The following PIP4P2 variants were observed in gnomAD, a reference collection of about 807,000 sequenced individuals.
PIP4P2 encodes type 2 phosphatidylinositol 4,5-bisphosphate 4-phosphatase.
In PIP4P2, 19 loss-of-function variants were observed where a neutral mutation model predicts 33.3. The ratio of observed to expected loss-of-function variants is 0.57; its 90% CI spans 0.40 to 0.84. PIP4P2 has a LOEUF of 0.84. PIP4P2 is among the 40% of genes least tolerant of loss of function. The probability of loss-of-function intolerance (pLI) is 0.00; values close to 1 mark genes in which losing one functional copy is unlikely to be tolerated. For missense variants in PIP4P2, 270 were observed against 324.7 expected, an observed-to-expected ratio of 0.83 and a Z score of 1.29; for synonymous variants, 110 against 111.9, an observed-to-expected ratio of 0.98 and a Z score of 0.11.
intron 1 of PIP4P2, among the ~76,000 whole-genome samples, chr8:91,039,951 C>T (rs1812281845): frequency 6.6e-6 from 1 of 152,054 alleles, no homozygotes; most frequent in Non-Finnish European, 1.5e-5. Context: ...TAATTTCAAT[C>T]TCACCCAGAT....
chr8:90,995,415 G>T lies in PIP4P2; in HGVS notation c.*262C>A, dbSNP rs1350884528. 2 of 251,336 alleles carry T rather than the reference G, an allele frequency of 8.0e-6. No homozygotes were observed. The highest frequency in any genetic ancestry group is 4.5e-5 in the African/African-American group (2 of 44,890). 15.6% of individuals were successfully genotyped at this position (251,336 alleles called of 1,614,324 possible). On this transcript the variant is annotated 3_prime_UTR_variant, in exon 7 of 7. Coordinates refer to ENST00000285419, the MANE Select transcript of PIP4P2 (RefSeq NM_018710.3). ...AGGGTGAGAGTAAATGTAATGTTTG[G>T]TAACAAATCCAAAAATATCTATAAG...
Position 91,018,453 on chromosome 8 carries a change from A to G in PIP4P2, c.423T>C (p.Pro141=). 1 of 1,614,048 alleles carries G rather than the reference A, an allele frequency of 6.2e-7. No individual in the cohort carries two copies. The highest frequency in any genetic ancestry group is 8.5e-7 in the Non-Finnish European group (1 of 1,179,940). ...TACCTTCTGGTTGGATTGGCAATGCAGGCTGAGCTGGTTGTTCTTCAGAAA... is the reference window on the plus strand; with the variant it reads ...TACCTTCTGGTTGGATTGGCAATGCGGGCTGAGCTGGTTGTTCTTCAGAAA... ...MLISEEQPAQ[P]ALPIQPEGTR... Residue 141 remains proline (P), a synonymous_variant, in exon 4 of 7, where the codon CCT becomes CCC. Transcript: ENST00000285419.
At chr8:91,035,164 G>A (rs1394027295) in intron 1 of PIP4P2, among the ~76,000 whole-genome samples, 1 of 152,154 alleles carries the variant, frequency 6.6e-6, no homozygotes, top group Non-Finnish European at 1.5e-5. Flanking sequence ...AGGTGAAAAG[G>A]ATATGGCAAT....
chr8:91,020,561 T>G (rs1307605570), intron 2 of PIP4P2, among the ~76,000 whole-genome samples: 2 of 152,182 alleles, frequency 1.3e-5, no homozygotes, highest in Admixed American at 6.6e-5. Context: ...GATCAAAATG[T>G]AATATATAAA....
At chr8:91,005,754 G>T (rs187670948) in intron 5 of PIP4P2, among the ~76,000 whole-genome samples, 1 of 152,280 alleles carries the variant, frequency 6.6e-6, no homozygotes, top group Admixed American at 6.5e-5. Context: ...TGATGTAAAA[G>T]AAATGATATT....
At chr8:91,022,492 T>C (rs909440824) in intron 1 of PIP4P2, among the ~76,000 whole-genome samples, 1 of 152,196 alleles carries the variant, frequency 6.6e-6, no homozygotes, top group Non-Finnish European at 1.5e-5. Flanking sequence ...AGAAGACTTT[T>C]CCAAGGTAAA....
chr8:91,016,327 A>G (rs1811913925), intron 4 of PIP4P2, among the ~76,000 whole-genome samples: 1 of 152,290 alleles, frequency 6.6e-6, no homozygotes, highest in East Asian at 1.9e-4. Context: ...TGGAATGGAC[A>G]ATAACAGGGC....
At chr8:91,017,336 T>C (rs1019641221) in intron 4 of PIP4P2, among the ~76,000 whole-genome samples, 1 of 151,892 alleles carries the variant, frequency 6.6e-6, no homozygotes, top group Non-Finnish European at 1.5e-5. Flanking sequence ...GAGGCAGGGG[T>C]TGCAGTGAGC....
intron 1 of PIP4P2, among the ~76,000 whole-genome samples, chr8:91,030,197 G>C (rs1812143684): frequency 7.3e-6 from 1 of 137,394 alleles, no homozygotes; most frequent in Non-Finnish European, 1.5e-5. Flanking sequence ...CTGGGCGACA[G>C]AGCAAGACTC....
At position 91,021,265 on chromosome 8, in the gene PIP4P2, A is replaced by G; in HGVS notation, c.246T>C (p.Asn82=). 1 of 1,613,672 alleles carries G rather than the reference A, an allele frequency of 6.2e-7. No individual in the cohort carries two copies. Among genetic ancestry groups the G allele is most frequent in the Non-Finnish European group, 8.5e-7 (1 of 1,179,704 alleles). ...GGAAATCTCCACTTACCGTAGCTTC[A>G]TTGCAAACTGTGCACTTAACCACAT... ...HQHVVKCTVC[N]EATPIKNPPT... is the part of the protein sequence containing the mutation. The change falls in exon 2 of 7, where the codon AAT becomes AAC. Residue 82 remains asparagine, a synonymous_variant. Coordinates refer to ENST00000285419, the MANE Select transcript of PIP4P2 (RefSeq NM_018710.3).
chr8:91,030,723 C>T (rs979152925), intron 1 of PIP4P2, among the ~76,000 whole-genome samples: 8 of 152,098 alleles, frequency 5.3e-5, no homozygotes, highest in African/African-American at 1.7e-4. Flanking sequence ...AGGTAATATA[C>T]ACATATACAT....
chr8:91,020,896 T>C (rs1811999007), intron 2 of PIP4P2, among the ~76,000 whole-genome samples: 1 of 152,208 alleles, frequency 6.6e-6, no homozygotes, highest in Non-Finnish European at 1.5e-5. Context: ...AGTTTACATC[T>C]GTAATGAAGT....
chr8:91,009,259 G>C (rs772146397), intron 4 of PIP4P2, among the ~76,000 whole-genome samples: 2 of 151,772 alleles, frequency 1.3e-5, no homozygotes, highest in Non-Finnish European at 2.9e-5. Context: ...CTAAAAAGTC[G>C]GGAACTGTTT....
chr8:90,997,932 C>G (rs1302243527), intron 5 of PIP4P2, among the ~76,000 whole-genome samples: 1 of 152,004 alleles, frequency 6.6e-6, no homozygotes, highest in Non-Finnish European at 1.5e-5. Context: ...TGCAAATATA[C>G]ATCGTAAATT....
intron 5 of PIP4P2, among the ~76,000 whole-genome samples, chr8:91,001,234 C>T (rs929476550): frequency 1.3e-5 from 2 of 151,936 alleles, no homozygotes; most frequent in East Asian, 1.9e-4. Flanking sequence ...TATAATCCAC[C>T]AATATTCAGA....
In PIP4P2 at chr8:91,040,662, G is replaced by T. The variant is rs1215048389; in HGVS notation, c.88C>A (p.Gln30Lys). Residue 30 changes from glutamine (Q) to lysine (K), a missense_variant, in exon 1 of 7, where the codon CAA becomes AAA. By Grantham distance (53) the Gln-to-Lys change is moderately conservative (BLOSUM62 1). Coordinates refer to ENST00000285419, the MANE Select transcript of PIP4P2 (RefSeq NM_018710.3). ...GCCTTACCTCTGGGGCTGCTTTCTT[G>T]CAAGTACGGTGGGGCGGTGGGAGTG... Reference protein sequence around the residue: ...NVTPTAPPYLQESSPRAELPP... With the variant: ...NVTPTAPPYLKESSPRAELPP... 3.1e-6 allele frequency: 5 copies of T among 1,613,634 alleles called. No individual in the cohort carries two copies. The South Asian group carries it at 5.5e-5, about 18-fold the overall frequency.
At chr8:91,027,823 T>G (rs1489136674) in intron 1 of PIP4P2, among the ~76,000 whole-genome samples, 1 of 152,194 alleles carries the variant, frequency 6.6e-6, no homozygotes, top group Non-Finnish European at 1.5e-5. Context: ...AATGTTGAAG[T>G]GGATTTATCA....
chr8:91,020,610 G>A (rs548603676), intron 2 of PIP4P2, among the ~76,000 whole-genome samples: 37 of 152,136 alleles, frequency 2.4e-4, no homozygotes, highest in Middle Eastern at 3.4e-3. Flanking sequence ...CTAAACCAGT[G>A]TATGCTTTAC....
chr8:91,025,190 TG>T (rs934287477), intron 1 of PIP4P2, among the ~76,000 whole-genome samples: 2 of 143,408 alleles, frequency 1.4e-5, no homozygotes, highest in East Asian at 2.1e-4. Context: ...AGAATCGGGG[TG>T]GGGGGGAATT....
Sources: allele counts gnomAD v4.1 joint callset (sites outside exome capture counted in the v4.1 genomes callset), GRCh38; gene constraint gnomAD v4.1.1; transcripts MANE v1.5; gene names NCBI Gene and HGNC (gene_info 2026-07-23, HGNC 2026-07-21).